Variants in PTPRN2 observed in about 807,000 individuals in gnomAD.
The protein encoded by PTPRN2 is receptor-type tyrosine-protein phosphatase N2.
A neutral mutation model predicts 118.8 loss-of-function variants in PTPRN2; 74 were observed. That is an observed-to-expected ratio of 0.62 (90% CI 0.52 to 0.76). The LOEUF is 0.76. Among genes scored for constraint, PTPRN2 ranks in the 30% least tolerant of loss-of-function variants. The pLI is 0.00. For missense variants in PTPRN2, 1,481 were observed against 1,394.4 expected, an observed-to-expected ratio of 1.06 and a Z score of -0.99; for synonymous variants, 641 against 608.0, an observed-to-expected ratio of 1.05 and a Z score of -0.80.
intron 3 of PTPRN2, among the ~76,000 whole-genome samples, chr7:158,283,240 G>A (rs909895056): frequency 2.6e-5 from 4 of 152,368 alleles, no homozygotes; most frequent in East Asian, 1.9e-4. Flanking sequence ...GGCGGCAGCC[G>A]TCACAGGTAA....
chr7:157,658,545 GGGACCCGCCTGCAGGCA>G (rs1795711644), intron 13 of PTPRN2, among the ~76,000 whole-genome samples: 1 of 152,194 alleles, frequency 6.6e-6, no homozygotes, highest in South Asian at 2.1e-4. Flanking sequence ...CCGGCCGTAT[GGGACCCGCCTGCAGGCA>G]GGACACGGCC....
chr7:158,157,047 A>G (rs1253104565), intron 6 of PTPRN2, among the ~76,000 whole-genome samples: 1 of 152,064 alleles, frequency 6.6e-6, no homozygotes, highest in Non-Finnish European at 1.5e-5. Context: ...CATTGTGCTT[A>G]CACAGCGGAC....
At chr7:158,505,955 C>G (rs573474991) in intron 1 of PTPRN2, among the ~76,000 whole-genome samples, 2 of 152,172 alleles carry the variant, frequency 1.3e-5, no homozygotes, top group Non-Finnish European at 2.9e-5. Flanking sequence ...GACGCTGCAC[C>G]GGGTACAGCA....
intron 12 of PTPRN2, among the ~76,000 whole-genome samples, chr7:157,741,753 T>C (rs955882586): frequency 2.0e-5 from 3 of 152,172 alleles, no homozygotes; most frequent in African/African-American, 4.8e-5. Flanking sequence ...GGAAGAAGGA[T>C]GTTGTGGACA....
At chr7:158,361,533 AGTT>A (rs1284462183) in intron 2 of PTPRN2, among the ~76,000 whole-genome samples, 1 of 152,218 alleles carries the variant, frequency 6.6e-6, no homozygotes, top group Non-Finnish European at 1.5e-5. Flanking sequence ...CCCACTGCCC[AGTT>A]CCACTGAAGC....
At chr7:158,117,151 C>T (rs1227707362) in intron 9 of PTPRN2, among the ~76,000 whole-genome samples, 2 of 151,866 alleles carry the variant, frequency 1.3e-5, no homozygotes, top group Non-Finnish European at 2.9e-5. Context: ...CATAAAAATG[C>T]TTGAAGAACA....
chr7:158,166,896 C>A, intron 6 of PTPRN2, 35 bp downstream of exon 6: 2 of 1,420,470 alleles, frequency 1.4e-6, no homozygotes, highest in South Asian at 3.3e-5. Context: ...AGAGGACAGT[C>A]AGCAAACAAG....
chr7:158,218,109 A>G (rs1271653093), intron 3 of PTPRN2, among the ~76,000 whole-genome samples: 1 of 152,174 alleles, frequency 6.6e-6, no homozygotes, highest in Non-Finnish European at 1.5e-5. Context: ...GAGATACTAT[A>G]TAAGATGACC....
intron 3 of PTPRN2, among the ~76,000 whole-genome samples, chr7:158,306,448 C>A (rs1801291658): frequency 6.6e-6 from 1 of 152,170 alleles, no homozygotes; most frequent in African/African-American, 2.4e-5. Flanking sequence ...TGTCTGATGG[C>A]TGAAGGTATG....
Position 157,578,032 on chromosome 7 carries a change from G to C in PTPRN2, c.2605C>G (p.His869Asp). 6.2e-7 allele frequency: 1 copy of C among 1,611,852 alleles called. No individual in the cohort carries two copies. The highest frequency in any genetic ancestry group is 1.1e-5 in the South Asian group (1 of 90,922). ...YWPDEGSNLY[H>D]IYEVNLVSEH... Reference sequence around the variant, plus strand: ...TCTGGTCGGAGTACCTCATAGATGTGGTAGAGATTGGAGCCTTCATCCGGC... The same window carrying C: ...TCTGGTCGGAGTACCTCATAGATGTCGTAGAGATTGGAGCCTTCATCCGGC... The change falls in exon 18 of 23, where the codon CAC becomes GAC. Residue 869 changes from histidine to aspartate, a missense_variant. Around this residue, in one of 3 missense-constraint regions of PTPRN2, gnomAD observed 362 missense variants for 384.1 expected, o/e 0.94. Transcript: ENST00000389418.
At chr7:158,396,731 T>C (rs1222455629) in intron 2 of PTPRN2, among the ~76,000 whole-genome samples, 1 of 152,190 alleles carries the variant, frequency 6.6e-6, no homozygotes, top group East Asian at 1.9e-4. Context: ...TGTGTGCGCA[T>C]ACCATCTCCC....
chr7:157,553,122 G>T (rs1798714149), intron 21 of PTPRN2, among the ~76,000 whole-genome samples: 2 of 152,196 alleles, frequency 1.3e-5, no homozygotes, highest in South Asian at 4.1e-4. Context: ...TAAATAGTCT[G>T]ACTCAAGAGA....
chr7:158,395,212 A>ACC (rs1374352833), intron 2 of PTPRN2, among the ~76,000 whole-genome samples: 1 of 147,750 alleles, frequency 6.8e-6, no homozygotes, highest in Non-Finnish European at 1.5e-5. Flanking sequence ...CGGCCGCTAG[A>ACC]TGGCACGCAG....
chr7:158,200,349 A>C (rs1336090376), intron 4 of PTPRN2, among the ~76,000 whole-genome samples: 2 of 152,184 alleles, frequency 1.3e-5, no homozygotes, highest in Non-Finnish European at 2.9e-5. Flanking sequence ...ACAACAATCC[A>C]CTAATGATGG....
chr7:157,781,225 G>C (rs999874200), intron 12 of PTPRN2, among the ~76,000 whole-genome samples: 1 of 152,198 alleles, frequency 6.6e-6, no homozygotes, highest in Admixed American at 6.5e-5. Flanking sequence ...GGCTGCTTTT[G>C]ATTTGATATA....
At chr7:157,942,696 C>G (rs1393219260) in intron 11 of PTPRN2, among the ~76,000 whole-genome samples, 4 of 152,028 alleles carry the variant, frequency 2.6e-5, no homozygotes, top group Admixed American at 1.3e-4. Flanking sequence ...ACTGTCTTTC[C>G]CCAGATCACA....
chr7:158,489,805 A>T lies in PTPRN2; in HGVS notation c.113-20T>A. On this transcript the variant is annotated intron_variant, in intron 1 of 22. Coordinates refer to ENST00000389418, the MANE Select transcript of PTPRN2 (RefSeq NM_002847.5). ...GGCAGCCTGCGGGGAAACAGAGAAGAGACGCGGTCAGCTGGAGGGGAGGAG... is the reference window on the plus strand; with the variant it reads ...GGCAGCCTGCGGGGAAACAGAGAAGTGACGCGGTCAGCTGGAGGGGAGGAG... 6.4e-7 allele frequency: 1 copy of T among 1,561,656 alleles called. No homozygotes were observed. The highest frequency in any genetic ancestry group is 8.7e-7 in the Non-Finnish European group (1 of 1,153,438).
At chr7:158,056,711 T>C (rs563619975) in intron 11 of PTPRN2, among the ~76,000 whole-genome samples, 102 of 152,322 alleles carry the variant, frequency 6.7e-4, no homozygotes, top group Non-Finnish European at 1.3e-3. Context: ...ATTTTGCCAA[T>C]GCTTTTGAGT....
At chr7:157,959,412 T>C (rs1801381811) in intron 11 of PTPRN2, among the ~76,000 whole-genome samples, 3 of 152,216 alleles carry the variant, frequency 2.0e-5, no homozygotes, top group South Asian at 2.1e-4. Flanking sequence ...AAAAACATTA[T>C]CTAAACAGTT....
Sources: gnomAD v4.1 joint callset for allele counts (sites outside exome capture counted in the v4.1 genomes callset) on GRCh38, gnomAD v4.1.1 for gene constraint, gnomAD v4.1.1 regional missense constraint, MANE v1.5 for transcripts, NCBI Gene and HGNC (gene_info 2026-07-23, HGNC 2026-07-21) for gene names.